The following MFHAS1 variants were observed in gnomAD, a reference collection of about 807,000 sequenced individuals.
The protein encoded by MFHAS1 is multifunctional ROCO family signaling regulator 1, also known as malignant fibrous histiocytoma-amplified sequence 1.
A neutral mutation model predicts 70.4 loss-of-function variants in MFHAS1; 50 were observed. The ratio of observed to expected loss-of-function variants is 0.71; its 90% CI spans 0.57 to 0.90. The LOEUF (loss-of-function observed/expected upper bound fraction) is 0.90, where lower values mean the gene tolerates loss of function less well. Ranked by LOEUF, MFHAS1 falls within the 40% of genes least tolerant of loss-of-function variation. The pLI, the probability that MFHAS1 is intolerant of heterozygous loss-of-function variation, is 0.00. For synonymous variants in MFHAS1, 952 were observed against 620.0 expected, an observed-to-expected ratio of 1.54 and a Z score of -7.96; for missense variants, 1,795 against 1,347.6, an observed-to-expected ratio of 1.33 and a Z score of -5.20.
chr8:8,797,599 G>T, intron 1 of MFHAS1, 108 bp from the exon 2 acceptor site: 3 of 1,232,484 alleles, frequency 2.4e-6, no homozygotes, highest in Non-Finnish European at 3.4e-6. Flanking sequence ...AAGGGCAGAG[G>T]TGAAGCAACG....
At chr8:8,835,166 G>C (rs899514086) in intron 1 of MFHAS1, among the ~76,000 whole-genome samples, 1 of 135,992 alleles carries the variant, frequency 7.4e-6, no homozygotes, top group Admixed American at 8.1e-5. Context: ...AGGGGAGTGA[G>C]GGTACATTTG....
At chr8:8,836,662 G>A (rs1442018685) in intron 1 of MFHAS1, among the ~76,000 whole-genome samples, 3 of 152,186 alleles carry the variant, frequency 2.0e-5, no homozygotes, top group Non-Finnish European at 4.4e-5. Context: ...AAATGCATGA[G>A]CCACCTCGCC....
intron 1 of MFHAS1, among the ~76,000 whole-genome samples, chr8:8,804,648 C>G (rs956722530): frequency 6.6e-6 from 1 of 152,204 alleles, no homozygotes; most frequent in African/African-American, 2.4e-5. Context: ...TGGCTTCTTC[C>G]ACTTCTTCCA....
chr8:8,881,930 A>C (rs1203373993), intron 1 of MFHAS1, among the ~76,000 whole-genome samples: 4 of 152,080 alleles, frequency 2.6e-5, no homozygotes, highest in Admixed American at 6.5e-5. Flanking sequence ...CAGCTCCTGC[A>C]TTAAATGCAC....
chr8:8,876,484 C>A (rs558556289), intron 1 of MFHAS1, among the ~76,000 whole-genome samples: 37 of 152,200 alleles, frequency 2.4e-4, no homozygotes, highest in Middle Eastern at 3.4e-3. Flanking sequence ...CCTATAATCC[C>A]AGCACTTTGG....
At chr8:8,815,819 A>G (rs896808593) in intron 1 of MFHAS1, among the ~76,000 whole-genome samples, 3 of 152,192 alleles carry the variant, frequency 2.0e-5, no homozygotes, top group African/African-American at 2.4e-5. Flanking sequence ...CTCAACAGAC[A>G]ACAAAGCATA....
chr8:8,792,719 G>C (rs1053125096), intron 2 of MFHAS1, among the ~76,000 whole-genome samples: 3 of 152,218 alleles, frequency 2.0e-5, no homozygotes, highest in Non-Finnish European at 4.4e-5. Context: ...TGGGGTGAAG[G>C]AACGTTCTAA....
At chr8:8,836,029 T>G (rs1357347596) in intron 1 of MFHAS1, among the ~76,000 whole-genome samples, 3 of 152,178 alleles carry the variant, frequency 2.0e-5, no homozygotes, top group Admixed American at 6.5e-5. Flanking sequence ...ATCTAGCCCT[T>G]CAAAGAAAAA....
At chr8:8,810,845 T>C (rs1384416349) in intron 1 of MFHAS1, among the ~76,000 whole-genome samples, 2 of 152,036 alleles carry the variant, frequency 1.3e-5, no homozygotes, top group African/African-American at 4.8e-5. Flanking sequence ...TCTCCTAACA[T>C]TTCTGCAGAT....
chr8:8,875,821 T>G (rs539612693), intron 1 of MFHAS1, among the ~76,000 whole-genome samples: 2 of 152,208 alleles, frequency 1.3e-5, no homozygotes, highest in African/African-American at 4.8e-5. Flanking sequence ...ACTCGTGACC[T>G]CGTGATCCGC....
At chr8:8,803,176 T>A (rs1030895701) in intron 1 of MFHAS1, among the ~76,000 whole-genome samples, 1 of 152,124 alleles carries the variant, frequency 6.6e-6, no homozygotes, top group African/African-American at 2.4e-5. Context: ...GAGTTTTGCA[T>A]CCACGGATTC....
chr8:8,832,632 T>TTC (rs1483672406), intron 1 of MFHAS1, among the ~76,000 whole-genome samples: 2 of 146,418 alleles, frequency 1.4e-5, no homozygotes, highest in East Asian at 4.0e-4. Flanking sequence ...TTTTTCTTTT[T>TTC]TTTTTTTTTT....
intron 1 of MFHAS1, among the ~76,000 whole-genome samples, chr8:8,853,588 AT>A (rs1237033682): frequency 2.0e-5 from 3 of 151,584 alleles, no homozygotes; most frequent in Non-Finnish European, 4.4e-5. Flanking sequence ...TATATTTGAG[AT>A]GGAGTCTTGT....
intron 1 of MFHAS1, among the ~76,000 whole-genome samples, chr8:8,869,071 G>T (rs1231264766): frequency 6.6e-6 from 1 of 152,138 alleles, no homozygotes; most frequent in Non-Finnish European, 1.5e-5. Context: ...GGAGGAGGAG[G>T]AAGGCAAAAA....
At chr8:8,872,887 C>G (rs746254374) in intron 1 of MFHAS1, among the ~76,000 whole-genome samples, 6 of 152,146 alleles carry the variant, frequency 3.9e-5, no homozygotes, top group Non-Finnish European at 1.5e-5. Context: ...AGAGGCTTAA[C>G]AAATACATTC....
At chr8:8,847,852 T>A (rs1808092548) in intron 1 of MFHAS1, among the ~76,000 whole-genome samples, 1 of 152,208 alleles carries the variant, frequency 6.6e-6, no homozygotes, top group Non-Finnish European at 1.5e-5. Context: ...CTAATCAATA[T>A]CTGGTATAGC....
At chr8:8,819,692 CA>C (rs1427599025) in intron 1 of MFHAS1, among the ~76,000 whole-genome samples, 3 of 151,348 alleles carry the variant, frequency 2.0e-5, no homozygotes, top group Admixed American at 1.3e-4. Flanking sequence ...GTGGACAGAA[CA>C]GACAACTTCC....
At chr8:8,800,956 C>T (rs1385305536) in intron 1 of MFHAS1, among the ~76,000 whole-genome samples, 3 of 152,126 alleles carry the variant, frequency 2.0e-5, no homozygotes, top group Non-Finnish European at 4.4e-5. Flanking sequence ...TGGCTCACAC[C>T]TGTAATCCCA....
chr8:8,790,414 T>C (rs1805682338), intron 2 of MFHAS1: 1 of 982,024 alleles, frequency 1.0e-6, no homozygotes, highest in African/African-American at 1.7e-5. Flanking sequence ...CACTTAATTT[T>C]CCAAGAAAGT....
Sources: allele counts gnomAD v4.1 joint callset (sites outside exome capture counted in the v4.1 genomes callset), GRCh38; gene constraint gnomAD v4.1.1; transcripts MANE v1.5; gene names NCBI Gene and HGNC (gene_info 2026-07-23, HGNC 2026-07-21).